The following ELF1 variants were observed in gnomAD, a reference collection of about 807,000 sequenced individuals.
ELF1 encodes the protein E74 like ETS transcription factor 1.
A neutral mutation model predicts 59.9 loss-of-function variants in ELF1; 24 were observed. The observed-to-expected ratio is 0.40, with a 90% CI of 0.29 to 0.56. ELF1 has a LOEUF of 0.56. Ranked by LOEUF, ELF1 falls within the 20% of genes least tolerant of loss-of-function variation. ELF1 has a pLI of 0.44. For synonymous variants in ELF1, 248 were observed against 266.2 expected, an observed-to-expected ratio of 0.93 and a Z score of 0.67; for missense variants, 627 against 742.2, an observed-to-expected ratio of 0.84 and a Z score of 1.80.
At chr13:41,022,569 A>G (rs772322057), upstream of ELF1, among the ~76,000 whole-genome samples, 1 of 152,230 alleles carries the variant, frequency 6.6e-6, no homozygotes, top group African/African-American at 2.4e-5. Context: ...CCATACCTCA[A>G]TAAAACTGAT....
At chr13:41,004,295 T>C (rs887994334) in intron 1 of ELF1, among the ~76,000 whole-genome samples, 4 of 152,070 alleles carry the variant, frequency 2.6e-5, no homozygotes, top group African/African-American at 9.7e-5. Context: ...ATGTTACTTA[T>C]TTCTAAAGAA....
intron 1 of ELF1, among the ~76,000 whole-genome samples, chr13:41,043,007 A>T (rs1413243038): frequency 6.6e-6 from 1 of 152,152 alleles, no homozygotes. Context: ...TAACTGGTGT[A>T]AGATGGTATC....
intron 1 of ELF1, among the ~76,000 whole-genome samples, chr13:40,984,507 G>T (rs748559539): frequency 6.6e-6 from 1 of 152,168 alleles, no homozygotes; most frequent in East Asian, 1.9e-4. Context: ...GTTCAAGGCC[G>T]TAGTGAGCCA....
intron 1 of ELF1, among the ~76,000 whole-genome samples, chr13:41,006,684 G>A (rs1874779293): frequency 6.6e-6 from 1 of 152,164 alleles, no homozygotes; most frequent in South Asian, 2.1e-4. Context: ...ACGATGTCTA[G>A]TTTGCAACGT....
intron 1 of ELF1, among the ~76,000 whole-genome samples, chr13:40,993,617 G>T (rs574497624): frequency 6.6e-6 from 1 of 152,132 alleles, no homozygotes; most frequent in East Asian, 1.9e-4. Flanking sequence ...AGTAGCTGGG[G>T]CTATAGGTGT....
intron 1 of ELF1, among the ~76,000 whole-genome samples, chr13:41,002,520 G>A (rs576964496): frequency 2.7e-5 from 4 of 146,142 alleles, no homozygotes; most frequent in Non-Finnish European, 6.0e-5. Flanking sequence ...ATGAGCTGGT[G>A]GTCCCAGCTA....
intron 3 of ELF1, among the ~76,000 whole-genome samples, chr13:40,951,880 A>C (rs1010406246): frequency 7.2e-5 from 11 of 151,792 alleles, no homozygotes; most frequent in African/African-American, 2.7e-4. Context: ...AAAAAAAAAC[A>C]GAAACTATTA....
intron 1 of ELF1, among the ~76,000 whole-genome samples, chr13:41,058,558 A>T (rs761396829): frequency 5.3e-5 from 8 of 152,240 alleles, no homozygotes; most frequent in African/African-American, 1.2e-4. Flanking sequence ...AGATGATGCA[A>T]CTACTTCCTT....
chr13:40,961,858 G>C (rs958775263), intron 2 of ELF1, among the ~76,000 whole-genome samples: 2 of 152,200 alleles, frequency 1.3e-5, no homozygotes, highest in Non-Finnish European at 2.9e-5. Context: ...CCACTGATAA[G>C]TCAGAGACAG....
chr13:41,008,711 TG>T (rs1184468153), intron 1 of ELF1, among the ~76,000 whole-genome samples: 2 of 152,222 alleles, frequency 1.3e-5, no homozygotes, highest in East Asian at 3.8e-4. Context: ...TGATGAGCTT[TG>T]GTGTAGTATC....
chr13:41,045,419 G>A (rs1876801215), intron 1 of ELF1, among the ~76,000 whole-genome samples: 1 of 152,090 alleles, frequency 6.6e-6, no homozygotes, highest in Admixed American at 6.6e-5. Flanking sequence ...TTTCTCTTGT[G>A]GGCATTTAGT....
intron 7 of ELF1, among the ~76,000 whole-genome samples, 184 bp downstream of exon 7, chr13:40,942,768 G>A (rs549393449): frequency 1.7e-3 from 251 of 152,050 alleles, no homozygotes; most frequent in African/African-American, 5.8e-3. Flanking sequence ...GCAATCCACC[G>A]GCCTCAGCCT....
At chr13:41,046,976 GTTCGT>G (rs1246666583) in intron 1 of ELF1, among the ~76,000 whole-genome samples, 2 of 152,168 alleles carry the variant, frequency 1.3e-5, no homozygotes, top group African/African-American at 4.8e-5. Context: ...TGGAGGCTTT[GTTCGT>G]TTCTTTTTAC....
intron 2 of ELF1, among the ~76,000 whole-genome samples, chr13:40,980,320 T>C (rs541524026): frequency 1.3e-5 from 2 of 152,308 alleles, no homozygotes; most frequent in Non-Finnish European, 2.9e-5. Context: ...TTAATACTTA[T>C]AAAATCCTTA....
chr13:41,040,883 A>G (rs933284246), intron 1 of ELF1, among the ~76,000 whole-genome samples: 4 of 152,198 alleles, frequency 2.6e-5, no homozygotes, highest in Admixed American at 2.0e-4. Flanking sequence ...AGTAGTTACT[A>G]TGAGCCAAGC....
intron 4 of ELF1, among the ~76,000 whole-genome samples, chr13:40,950,305 T>C (rs535259722): frequency 6.6e-6 from 1 of 152,274 alleles, no homozygotes; most frequent in Non-Finnish European, 1.5e-5. Context: ...AAAACTGACA[T>C]ACCTTTCCAT....
chr13:40,997,976 C>G (rs1049167137), intron 1 of ELF1, among the ~76,000 whole-genome samples: 1 of 151,934 alleles, frequency 6.6e-6, no homozygotes, highest in Admixed American at 6.6e-5. Flanking sequence ...AAAGGTGAAA[C>G]CTCATCTCTA....
rs1282479635 is a variant in ELF1, at chr13:40,943,904, CGTG to C, written c.548_550del (p.Pro183del). 1 of 1,613,434 alleles carries C rather than the reference CGTG, an allele frequency of 6.2e-7. No individual in the cohort carries two copies. Among genetic ancestry groups the C allele is most frequent in the African/African-American group, 1.3e-5 (1 of 74,868 alleles). On this transcript the variant is annotated inframe_deletion, in exon 6 of 9. Transcript: ENST00000239882. ...TGGCGTAGTGGCTGGGGAATCTGGT[CGTG>C]GTGGTTTAGTTTTTCTTCCTGAAAT...
At chr13:40,978,101 C>CG (rs979915710) in intron 2 of ELF1, among the ~76,000 whole-genome samples, 1 of 151,996 alleles carries the variant, frequency 6.6e-6, no homozygotes, top group Admixed American at 6.5e-5. Flanking sequence ...AAATGTAGGC[C>CG]GGGGGCGGTG....
Sources: gnomAD v4.1 joint callset for allele counts (sites outside exome capture counted in the v4.1 genomes callset) on GRCh38, gnomAD v4.1.1 for gene constraint, MANE v1.5 for transcripts, NCBI Gene and HGNC (gene_info 2026-07-23, HGNC 2026-07-21) for gene names.